ALG11: variants seen among roughly 807,000 people sequenced by gnomAD.
The protein encoded by ALG11 is ALG11 alpha-1,2-mannosyltransferase.
A neutral mutation model predicts 38.8 loss-of-function variants in ALG11; 26 were observed. That is an observed-to-expected ratio of 0.67 (90% CI 0.49 to 0.93). The LOEUF (loss-of-function observed/expected upper bound fraction) is 0.93, where lower values mean the gene tolerates loss of function less well. Ranked by LOEUF, ALG11 falls within the 40% of genes least tolerant of loss-of-function variation. ALG11 has a pLI of 0.00. For missense variants in ALG11, 535 were observed against 578.8 expected, an observed-to-expected ratio of 0.92 and a Z score of 0.78; for synonymous variants, 199 against 211.6, an observed-to-expected ratio of 0.94 and a Z score of 0.52.
intron 1 of ALG11, among the ~76,000 whole-genome samples, chr13:52,013,962 G>A (rs191366732): frequency 3.9e-4 from 59 of 152,330 alleles, no homozygotes; most frequent in Admixed American, 3.6e-3. Context: ...AATTAACAGT[G>A]TGAAAAGGTC....
chr13:52,029,535 A>T lies in ALG11; in HGVS notation c.*945A>T. 6.2e-7 allele frequency: 1 copy of T among 1,614,236 alleles called. No individual in the cohort carries two copies. The highest frequency in any genetic ancestry group is 8.5e-7 in the Non-Finnish European group (1 of 1,180,048). ...TATGAGGCCAAGGCTCGAAAAGAGA[A>T]GAAAATCAAAAGTAAAAAGTATCAC... On this transcript the variant is annotated 3_prime_UTR_variant, in exon 4 of 4. Transcript: ENST00000521508.
rs1954301412 is a variant in ALG11 at position 52,031,256 on chromosome 13, A to G, written c.*2666A>G. The G allele has an allele frequency of 8.7e-7, 1 of 1,148,788 alleles. No homozygotes were observed. The highest frequency in any genetic ancestry group is 1.2e-6 in the Non-Finnish European group (1 of 828,462). The allele number at this position is 1,148,788 out of a possible 1,614,324, so 71.2% of individuals were successfully genotyped here. A position where few individuals can be genotyped will look rare whatever the true frequency, so the allele number is the denominator to read the frequency against. On this transcript the variant is annotated 3_prime_UTR_variant, in exon 4 of 4. Transcript: ENST00000521508. ...TAAAAAAAGAAAATGGATGACCATT[A>G]ATTGACTAGCATTTTAGAATTGATC...
chr13:52,012,642 TA>T (rs2059873002), intron 1 of ALG11, among the ~76,000 whole-genome samples, 180 bp downstream of exon 1: 4 of 152,190 alleles, frequency 2.6e-5, no homozygotes, highest in African/African-American at 9.6e-5. Flanking sequence ...TGGAATAGAC[TA>T]GGTCTTAAAG....
rs752511676 is a variant in ALG11 at position 52,030,796 on chromosome 13, A to G, written c.*2206A>G. The G allele has an allele frequency of 5.6e-6, 9 of 1,614,082 alleles. No homozygotes were observed. The Middle Eastern group carries it at 4.9e-4, about 88-fold the overall frequency. ...CTCCAAGAAAAGATAAGAATTTGCC[A>G]AATGTGATTATCAGTGAGAAGCGCA... On this transcript the variant is annotated 3_prime_UTR_variant, in exon 4 of 4. Coordinates refer to ENST00000521508, the MANE Select transcript of ALG11 (RefSeq NM_001004127.3).
chr13:52,028,769 C>G lies in ALG11; in HGVS notation c.*179C>G. 1.2e-6 allele frequency: 2 copies of G among 1,614,052 alleles called. No homozygotes were observed. Among genetic ancestry groups the G allele is most frequent in the Non-Finnish European group, 1.7e-6 (2 of 1,179,956 alleles). ...AAATGGATGACTAGCCTTCGGCTTC[C>G]ATTCTTGGTATACATGAGAGAGGCT... On this transcript the variant is annotated 3_prime_UTR_variant, in exon 4 of 4. Transcript: ENST00000521508.
Position 52,031,149 on chromosome 13 carries a change from T to C in ALG11, c.*2559T>C. 6.4e-7 allele frequency: 1 copy of C among 1,565,200 alleles called. No individual in the cohort carries two copies. ...TGACAGTCAGGGGCCCTGATTCCAC[T>C]TCCTTTGGTCCAGTTTTACTCTGCT... is the stretch of plus-strand genomic sequence containing the variant. On this transcript the variant is annotated 3_prime_UTR_variant, in exon 4 of 4. Coordinates refer to ENST00000521508, the MANE Select transcript of ALG11 (RefSeq NM_001004127.3).
rs1002249932 is a variant in ALG11, at chr13:52,028,573, G to A, written c.1462G>A (p.Glu488Lys). 14 of 1,614,046 alleles carry A rather than the reference G, an allele frequency of 8.7e-6. No individual in the cohort carries two copies. The highest frequency in any genetic ancestry group is 1.2e-5 in the Non-Finnish European group (14 of 1,179,960). Residue 488 changes from glutamate (E) to lysine (K), a missense_variant, in exon 4 of 4, where the codon GAA (glutamate) becomes AAA (lysine). By Grantham distance (56) the Glu-to-Lys change is moderately conservative. Transcript: ENST00000521508. ...EFEVTFLSSV[E>K]KLFK is the part of the protein sequence containing the mutation. ...TGAAGTGACATTCCTATCATCTGTG[G>A]AAAAGTTATTTAAGTAATGCCATAT...
chr13:52,017,316 T>C (rs1025487350), intron 1 of ALG11: 6 of 152,272 alleles, frequency 3.9e-5, no homozygotes, highest in African/African-American at 1.4e-4. Context: ...GGGTTAATGC[T>C]GAAATGAGTT....
chr13:52,018,302 A>T (rs559770062), intron 1 of ALG11, among the ~76,000 whole-genome samples: 5 of 152,354 alleles, frequency 3.3e-5, no homozygotes, highest in African/African-American at 1.2e-4. Context: ...ATTAAGTAGA[A>T]CATTAGTGGG....
chr13:52,026,340 T>G (rs1954240449), intron 3 of ALG11, among the ~76,000 whole-genome samples: 1 of 151,794 alleles, frequency 6.6e-6, no homozygotes, highest in African/African-American at 2.4e-5. Context: ...AACAGAGAGG[T>G]GATATAGGCC....
rs2140855372 is a variant in ALG11 at position 52,031,972 on chromosome 13, C to T, written c.*3382C>T. On this transcript the variant is annotated 3_prime_UTR_variant, in exon 4 of 4. Coordinates refer to ENST00000521508, the MANE Select transcript of ALG11 (RefSeq NM_001004127.3). ...GTGCGGTGTCTCACACCTGTAATCC[C>T]AGCACTTTGGGAGGCCGAGATGGGT... 6.1e-6 allele frequency: 1 copy of T among 165,184 alleles called. No homozygotes were observed. The allele number at this position is 165,184 out of a possible 1,614,324, so 10.2% of individuals were successfully genotyped here. A position where few individuals can be genotyped will look rare whatever the true frequency, so the allele number is the denominator to read the frequency against.
rs1015253409 is a variant in ALG11, at chr13:52,032,270, C to T, written c.*3680C>T. ...AATTATGAGAGTTACTTAAAGGTAA[C>T]ATCACATACTAAATGTCTTCTATAA... On this transcript the variant is annotated 3_prime_UTR_variant, in exon 4 of 4. Transcript: ENST00000521508. 2 of 166,424 alleles carry T rather than the reference C, an allele frequency of 1.2e-5. No homozygotes were observed. The highest frequency in any genetic ancestry group is 2.9e-5 in the Non-Finnish European group (2 of 68,120). The allele number at this position is 166,424 out of a possible 1,614,324, so 10.3% of individuals were successfully genotyped here. A position where few individuals can be genotyped will look rare whatever the true frequency, so the allele number is the denominator to read the frequency against.
At chr13:52,020,916 C>T (rs979379808) in intron 2 of ALG11, 1 of 152,188 alleles carries the variant, frequency 6.6e-6, no homozygotes, top group African/African-American at 2.4e-5. Context: ...TAACTCAACA[C>T]ATACTACAGT....
At chr13:52,012,498 C>T (rs769861808) in intron 1 of ALG11, 36 bp downstream of exon 1, 8 of 1,613,776 alleles carry the variant, frequency 5.0e-6, no homozygotes, top group Non-Finnish European at 6.8e-6. Flanking sequence ...CAGACGTTTT[C>T]TCTTCTGTAG....
chr13:52,030,907 T>G lies in ALG11; in HGVS notation c.*2317T>G, dbSNP rs777430917. ...AATTTGAAAGGACCATCCAGACCCC[T>G]ATAGGATCCACATGGAACACCCAGA... On this transcript the variant is annotated 3_prime_UTR_variant, in exon 4 of 4. Coordinates refer to ENST00000521508, the MANE Select transcript of ALG11 (RefSeq NM_001004127.3). The G allele has an allele frequency of 1.4e-5, 22 of 1,614,022 alleles. No individual in the cohort carries two copies. Among genetic ancestry groups the G allele is most frequent in the Non-Finnish European group, 1.9e-5 (22 of 1,180,026 alleles).
chr13:52,012,973 T>G (rs1346687618), intron 1 of ALG11, among the ~76,000 whole-genome samples: 1 of 152,230 alleles, frequency 6.6e-6, no homozygotes, highest in African/African-American at 2.4e-5. Flanking sequence ...TTACTTTAAT[T>G]TTTATGATGT....
At position 52,028,826 on chromosome 13, in the gene ALG11, G is replaced by A. The variant is rs180848215; in HGVS notation, c.*236G>A. ...TGAGATGAATGTGAACCAGGTTGCA[G>A]AGAATCTGGCTTTGAGCCACCAGGA... On this transcript the variant is annotated 3_prime_UTR_variant, in exon 4 of 4. Coordinates refer to ENST00000521508, the MANE Select transcript of ALG11 (RefSeq NM_001004127.3). The A allele has an allele frequency of 1.3e-4, 209 of 1,614,254 alleles. No homozygotes were observed. In the African/African-American group the frequency reaches 2.1e-3, roughly 16 times the overall value.
At chr13:52,019,238 T>TTTTTTTTTTC in intron 2 of ALG11, 95 bp downstream of exon 2, 1 of 1,088,404 alleles carries the variant, frequency 9.2e-7, no homozygotes, top group African/African-American at 1.7e-5. Context: ...TTTTTTTTTT[T>TTTTTTTTTTC]TGAGACAGAG....
intron 2 of ALG11, chr13:52,023,798 T>G (rs1954209421): frequency 1.5e-5 from 4 of 272,548 alleles, no homozygotes; most frequent in Middle Eastern, 1.1e-3. Flanking sequence ...CAGGCTTTTT[T>G]TTTTTTTTTT....
Sources: gnomAD v4.1 joint callset for allele counts (sites outside exome capture counted in the v4.1 genomes callset) on GRCh38, gnomAD v4.1.1 for gene constraint, MANE v1.5 for transcripts, NCBI Gene and HGNC (gene_info 2026-07-23, HGNC 2026-07-21) for gene names.